The following HAX1 variants were observed in gnomAD, a reference collection of about 807,000 sequenced individuals.
HAX1 encodes HCLS1 associated protein X-1, also known as HCLS1-associated protein X-1.
Under a neutral mutation model 31.1 loss-of-function variants are expected in HAX1, and 27 were observed. That is an observed-to-expected ratio of 0.87 (90% confidence interval 0.64 to 1.20). The LOEUF is 1.20. HAX1 is among the 50% of genes most tolerant of loss of function. The probability of loss-of-function intolerance (pLI) is 0.00; values close to 1 mark genes in which losing one functional copy is unlikely to be tolerated. For synonymous variants in HAX1, 114 were observed against 124.1 expected (o/e 0.92, Z 0.54); for missense variants, 357 against 361.6 (o/e 0.99, Z 0.10).
Position 154,275,747 on chromosome 1 carries a change from C to T in HAX1, c.*46C>T. On this transcript the variant is annotated 3_prime_UTR_variant, in exon 7 of 7. Coordinates refer to ENST00000328703, the MANE Select transcript of HAX1 (RefSeq NM_006118.4). ...CTTCAAGTCCTTTCCACCTCTCACC[C>T]ATTGCCCACCATTAATAAGCTTAGC... 1 of 1,215,360 alleles carries T rather than the reference C, an allele frequency of 8.2e-7. No homozygotes were observed. Among genetic ancestry groups the T allele is most frequent in the Non-Finnish European group, 1.2e-6 (1 of 818,290 alleles). The allele number at this position is 1,215,360 out of a possible 1,614,324, so 75.3% of individuals were successfully genotyped here.
Position 154,275,263 on chromosome 1 carries a change from G to A in HAX1, c.663+3G>A. On this transcript the variant is annotated splice_donor_region_variant and intron_variant, in intron 5 of 6. Coordinates refer to ENST00000328703, the MANE Select transcript of HAX1 (RefSeq NM_006118.4). ...CCAAGATCACTAAACCAGATGGGGTGAGTTGAAAGAAAGAGGTAAAGGAAA... is the reference window on the plus strand; with the variant it reads ...CCAAGATCACTAAACCAGATGGGGTAAGTTGAAAGAAAGAGGTAAAGGAAA... 6.2e-7 allele frequency: 1 copy of A among 1,601,148 alleles called. No homozygotes were observed. The highest frequency in any genetic ancestry group is 1.1e-5 in the South Asian group (1 of 90,820).
In HAX1 at chr1:154,273,485, G is replaced by C. The variant is rs1354912303; in HGVS notation, c.203G>C (p.Ser68Thr). The change falls in exon 2 of 7, where the codon AGC (serine) becomes ACC (threonine). Residue 68 changes from serine to threonine, a missense_variant. Ser to Thr is a moderately conservative substitution (Grantham distance 58). Transcript: ENST00000328703. ...GAATTTGGCTTCGGCTTCAGCTTCA[G>C]CCCAGGAGGAGGGATACGTTTCCAC... is the stretch of plus-strand genomic sequence containing the variant. ...PEEFGFGFSF[S>T]PGGGIRFHDN... The C allele has an allele frequency of 6.2e-7, 1 of 1,614,168 alleles. No homozygotes were observed. The highest frequency in any genetic ancestry group is 8.5e-7 in the Non-Finnish European group (1 of 1,180,020).
In HAX1 at chr1:154,273,885, G is replaced by A. The variant is rs755031266; in HGVS notation, c.428G>A (p.Gly143Glu). Reference protein sequence around the residue: ...PDSHQPRIFGGVLESDARSES... With the variant: ...PDSHQPRIFGEVLESDARSES... ...AGTCACCAGCCCAGGATCTTTGGGG[G>A]GGTCTTGGAGAGTGATGCAAGAAGT... Residue 143 changes from glycine (G) to glutamate (E), a missense_variant, in exon 3 of 7, where the codon GGG (glycine) becomes GAG (glutamate). By Grantham distance (98) the Gly-to-Glu change is moderately conservative. Transcript: ENST00000328703. 4 of 1,614,130 alleles carry A rather than the reference G, an allele frequency of 2.5e-6. No homozygotes were observed. The highest frequency in any genetic ancestry group is 3.4e-6 in the Non-Finnish European group (4 of 1,180,016).
At chr1:154,275,289 G>T in intron 5 of HAX1, 29 bp downstream of exon 5, 1 of 1,564,892 alleles carries the variant, frequency 6.4e-7, no homozygotes, top group South Asian at 1.1e-5. Flanking sequence ...GTAAAGGAAA[G>T]TATGGCCAGG....
intron 3 of HAX1, 41 bp downstream of exon 3, chr1:154,274,002 G>T: frequency 6.4e-7 from 1 of 1,561,868 alleles, no homozygotes; most frequent in South Asian, 1.1e-5. Context: ...GCTTGTGAGA[G>T]ACCACTAATA....
Position 154,273,571 on chromosome 1 carries a change from G to T in HAX1, c.289G>T (p.Ala97Ser), listed in dbSNP as rs1684869052. The T allele has an allele frequency of 6.2e-7, 1 of 1,614,156 alleles. No homozygotes were observed. The highest frequency in any genetic ancestry group is 8.5e-7 in the Non-Finnish European group (1 of 1,180,020). ...DFNSIFSDMG[A>S]WTLPSHPPEL... is the part of the protein sequence containing the mutation. ...CAATAGCATCTTCAGCGATATGGGG[G>T]CCTGGACCTTGCCTTCCCATCCTCC... Residue 97 changes from alanine to serine, a missense_variant, in exon 2 of 7, where the codon GCC (alanine) becomes TCC (serine). Physicochemically the swap from Ala to Ser is moderately conservative, Grantham distance 99. Transcript: ENST00000328703.
chr1:154,273,735 C>T (rs1168756349), intron 2 of HAX1, 39 bp from the exon 3 acceptor site: 2 of 1,612,336 alleles, frequency 1.2e-6, no homozygotes, highest in South Asian at 1.1e-5. Flanking sequence ...GAGCCCAAGT[C>T]CTTTCCCATC....
chr1:154,274,073 C>T (rs1684883972), intron 3 of HAX1, 112 bp downstream of exon 3: 5 of 951,506 alleles, frequency 5.3e-6, no homozygotes, highest in African/African-American at 1.6e-5. Context: ...TTTGGGAGGC[C>T]GAGGTGGGCA....
At chr1:154,272,831 C>T in intron 1 of HAX1, 55 bp downstream of exon 1, 3 of 1,491,494 alleles carry the variant, frequency 2.0e-6, no homozygotes, top group Non-Finnish European at 2.8e-6. Context: ...GGAGCTTGAC[C>T]CCTACGTCTT....
rs1474839466 is a variant in HAX1, at chr1:154,273,851, T to C, written c.394T>C (p.Tyr132His). Residue 132 changes from tyrosine to histidine, a missense_variant, in exon 3 of 7, where the codon TAT becomes CAT. Transcript: ENST00000328703. ...GACACTTCGGGACTCAATGCTTAAG[T>C]ATCCAGATAGTCACCAGCCCAGGAT... ...GQTLRDSMLK[Y>H]PDSHQPRIFG... The C allele has an allele frequency of 1.9e-6, 3 of 1,614,078 alleles. No individual in the cohort carries two copies. Among genetic ancestry groups the C allele is most frequent in the Non-Finnish European group, 1.7e-6 (2 of 1,179,952 alleles).
At position 154,275,824 on chromosome 1, in the gene HAX1, T is replaced by C. The variant is rs935891242; in HGVS notation, c.*123T>C. On this transcript the variant is annotated 3_prime_UTR_variant, in exon 7 of 7. Transcript: ENST00000328703. ...TATGTGGAATAGTGAACTGGGGCCA[T>C]GTCAGTTTGTCACTCACCCAAACTG... is the stretch of plus-strand genomic sequence containing the variant. 8 of 731,356 alleles carry C rather than the reference T, an allele frequency of 1.1e-5. No individual in the cohort carries two copies. Among genetic ancestry groups the C allele is most frequent in the South Asian group, 8.9e-5 (6 of 67,564 alleles). 45.3% of individuals were successfully genotyped at this position (731,356 alleles called of 1,614,324 possible). A position where few individuals can be genotyped will look rare whatever the true frequency, so the allele number is the denominator to read the frequency against.
At chr1:154,274,357 C>T (rs954700906) in intron 3 of HAX1, among the ~76,000 whole-genome samples, 5 of 152,270 alleles carry the variant, frequency 3.3e-5, no homozygotes, top group East Asian at 1.9e-4. Flanking sequence ...AAGTGATTCT[C>T]CTGCCTCAGC....
At position 154,275,606 on chromosome 1, in the gene HAX1, T is replaced by A; in HGVS notation, c.755-10T>A. ...TTTAGCCTATTTACGTGTATGACTT[T>A]CTTCCTTAGATCCAGAATCACCAAG... On this transcript the variant is annotated splice_polypyrimidine_tract_variant and intron_variant, in intron 6 of 6. Coordinates refer to ENST00000328703, the MANE Select transcript of HAX1 (RefSeq NM_006118.4). 3 of 1,610,522 alleles carry A rather than the reference T, an allele frequency of 1.9e-6. No homozygotes were observed. Among genetic ancestry groups the A allele is most frequent in the Non-Finnish European group, 2.5e-6 (3 of 1,176,646 alleles).
intron 1 of HAX1, 186 bp from the exon 2 acceptor site, chr1:154,273,150 T>TAAA (rs373573437): frequency 5.0e-5 from 26 of 516,588 alleles, no homozygotes; most frequent in South Asian, 6.3e-5. Flanking sequence ...TGACTTTGAT[T>TAAA]AAAAAAAAAA....
chr1:154,273,442 C>A lies in HAX1; in HGVS notation c.160C>A (p.Pro54Thr). ...WGRGNPRFHS[P>T]QHPPEEFGFG... ...CCGTGGGAACCCAAGGTTCCATAGT[C>A]CTCAGCACCCCCCTGAGGAATTTGG... The change falls in exon 2 of 7, where the codon CCT becomes ACT. Residue 54 changes from proline to threonine, a missense_variant. Physicochemically the swap from Pro to Thr is conservative, Grantham distance 38 (BLOSUM62 -1). Coordinates refer to ENST00000328703, the MANE Select transcript of HAX1 (RefSeq NM_006118.4). The A allele has an allele frequency of 2.5e-6, 4 of 1,614,138 alleles. No homozygotes were observed. Among genetic ancestry groups the A allele is most frequent in the Non-Finnish European group, 3.4e-6 (4 of 1,180,044 alleles).
In HAX1 at chr1:154,275,211, A is replaced by G. The variant is rs1392276135; in HGVS notation, c.614A>G (p.Lys205Arg). 1.2e-6 allele frequency: 2 copies of G among 1,613,790 alleles called. No homozygotes were observed. Among genetic ancestry groups the G allele is most frequent in the African/African-American group, 1.3e-5 (1 of 74,900 alleles). ...GLGPVLQPQP[K>R]SYFKSISVTK... ...GGCCCGGTTCTACAGCCCCAGCCCA[A>G]ATCCTATTTCAAGAGCATCTCTGTG... Residue 205 changes from lysine to arginine, a missense_variant, in exon 5 of 7, where the codon AAA becomes AGA. Lys to Arg is a conservative substitution (Grantham distance 26). Transcript: ENST00000328703.
chr1:154,273,252 C>T, intron 1 of HAX1, 84 bp from the exon 2 acceptor site: 1 of 1,578,436 alleles, frequency 6.3e-7, no homozygotes, highest in Non-Finnish European at 8.6e-7. Flanking sequence ...ACCCCTTGCT[C>T]TTGTCCCACT....
chr1:154,275,232 C>T lies in HAX1; in HGVS notation c.635C>T (p.Ser212Phe). Residue 212 changes from serine to phenylalanine, a missense_variant, in exon 5 of 7, where the codon TCT (serine) becomes TTT (phenylalanine). Coordinates refer to ENST00000328703, the MANE Select transcript of HAX1 (RefSeq NM_006118.4). Reference sequence around the variant, plus strand: ...CCCAAATCCTATTTCAAGAGCATCTCTGTGACCAAGATCACTAAACCAGAT... The same window carrying T: ...CCCAAATCCTATTTCAAGAGCATCTTTGTGACCAAGATCACTAAACCAGAT... Reference protein sequence around the residue: ...PQPKSYFKSISVTKITKPDGI... With the variant: ...PQPKSYFKSIFVTKITKPDGI... 3 of 1,613,308 alleles carry T rather than the reference C, an allele frequency of 1.9e-6. No homozygotes were observed. The highest frequency in any genetic ancestry group is 2.5e-6 in the Non-Finnish European group (3 of 1,179,208).
At chr1:154,273,315 C>T in intron 1 of HAX1, 21 bp from the exon 2 acceptor site, 2 of 1,613,624 alleles carry the variant, frequency 1.2e-6, no homozygotes, top group Non-Finnish European at 1.7e-6. Context: ...ATATTGGTGG[C>T]CAATCTGCCT....
Sources: gnomAD v4.1 joint callset for allele counts (sites outside exome capture counted in the v4.1 genomes callset) on GRCh38, gnomAD v4.1.1 for gene constraint, MANE v1.5 for transcripts, NCBI Gene and HGNC (gene_info 2026-07-23, HGNC 2026-07-21) for gene names.